Variants in TRAF5 observed in about 807,000 individuals in gnomAD.
TRAF5 encodes TNF receptor associated factor 5.
A neutral mutation model predicts 64.5 loss-of-function variants in TRAF5; 48 were observed. The observed-to-expected ratio is 0.74, with a 90% CI of 0.59 to 0.95. The LOEUF is 0.95. Among genes scored for constraint, TRAF5 ranks in the 40% least tolerant of loss-of-function variants. The pLI, the probability that TRAF5 is intolerant of heterozygous loss-of-function variation, is 0.00. For synonymous variants in TRAF5, 206 were observed against 240.5 expected (o/e 0.86, Z 1.33); for missense variants, 545 against 662.8 (o/e 0.82, Z 1.95).
At chr1:211,365,527 C>CATAGAGCAGGTAAA in intron 8 of TRAF5, 59 bp downstream of exon 8, 2 of 1,346,898 alleles carry the variant, frequency 1.5e-6, no homozygotes, top group Non-Finnish European at 2.1e-6. Context: ...GATTTACCTG[C>CATAGAGCAGGTAAA]TCTATGCTGG....
At chr1:211,339,108 T>C (rs1053705868) in intron 1 of TRAF5, among the ~76,000 whole-genome samples, 1 of 152,198 alleles carries the variant, frequency 6.6e-6, no homozygotes, top group Non-Finnish European at 1.5e-5. Context: ...TATATTCAAA[T>C]CCCTGTGCCC....
chr1:211,342,582 C>T (rs768980495), intron 1 of TRAF5, among the ~76,000 whole-genome samples: 6 of 152,156 alleles, frequency 3.9e-5, no homozygotes, highest in African/African-American at 4.8e-5. Flanking sequence ...GTATTCTATA[C>T]GATTATTCTG....
intron 1 of TRAF5, among the ~76,000 whole-genome samples, chr1:211,331,669 CT>C (rs752490519): frequency 0.039 from 5,620 of 144,812 alleles, 310 homozygotes; most frequent in African/African-American, 0.13. Context: ...AGCAGGCCAT[CT>C]TTTTTTTTTT....
At chr1:211,370,850 C>G (rs1703498323) in intron 9 of TRAF5, among the ~76,000 whole-genome samples, 1 of 152,144 alleles carries the variant, frequency 6.6e-6, no homozygotes, top group Non-Finnish European at 1.5e-5. Context: ...AGGCCGTACT[C>G]AGGGCCTTCT....
At chr1:211,336,742 C>T (rs976262170) in intron 1 of TRAF5, among the ~76,000 whole-genome samples, 3 of 152,220 alleles carry the variant, frequency 2.0e-5, no homozygotes, top group Non-Finnish European at 4.4e-5. Flanking sequence ...TCACTGTAAC[C>T]TCCACCTCCC....
intron 7 of TRAF5, among the ~76,000 whole-genome samples, chr1:211,364,411 G>T (rs1044658671): frequency 1.3e-5 from 2 of 152,200 alleles, no homozygotes; most frequent in African/African-American, 4.8e-5. Context: ...AAGAGGCCAG[G>T]CGCTGTGGCT....
chr1:211,329,394 T>A (rs1702101568), intron 1 of TRAF5, among the ~76,000 whole-genome samples: 1 of 152,160 alleles, frequency 6.6e-6, no homozygotes, highest in South Asian at 2.1e-4. Context: ...CTGTACAGCT[T>A]ACGAGAAGCC....
intron 1 of TRAF5, among the ~76,000 whole-genome samples, chr1:211,351,932 G>A (rs1047032367): frequency 6.6e-6 from 1 of 152,118 alleles, no homozygotes; most frequent in East Asian, 1.9e-4. Context: ...CTTCAATATT[G>A]TGTTGCTGTG....
Position 211,356,384 on chromosome 1 carries a change from T to C in TRAF5, c.294T>C (p.Cys98=), listed in dbSNP as rs2230778. The C allele has an allele frequency of 1.8e-4, 293 of 1,613,988 alleles. 3 individuals are homozygous for C. In the African/African-American group the frequency reaches 3.2e-3, roughly 18 times the overall value. The part of the protein sequence containing the change: ...IKSQEVFKDN[C]CKREVLNLYV... ...TCTTTTAGGTTTTTAAAGACAATTG[T>C]TGCAAAAGAGAAGTCCTCAACTTAT... The change falls in exon 4 of 11, where the codon TGT becomes TGC. Residue 98 remains cysteine, a synonymous_variant. Transcript: ENST00000261464.
chr1:211,352,008 A>G (rs1443227527), intron 1 of TRAF5, among the ~76,000 whole-genome samples: 2 of 152,058 alleles, frequency 1.3e-5, no homozygotes, highest in African/African-American at 4.8e-5. Flanking sequence ...CTTACCCAGT[A>G]CTTTGGGAGG....
rs377679266 is a variant in TRAF5, at chr1:211,339,122, C to T, written c.-2+12233C>T. Among the ~76,000 whole-genome samples the T allele has an allele frequency of 1.9e-4, 29 of 152,330 alleles. No individual in the cohort carries two copies. In the East Asian group the frequency reaches 5.2e-3, roughly 27 times the overall value. ...CTATATTCAAATCCCTGTGCCCACGCACTAGCTGTGTGATTTGGGGAAAGT... is the reference window on the plus strand; with the variant it reads ...CTATATTCAAATCCCTGTGCCCACGTACTAGCTGTGTGATTTGGGGAAAGT... On this transcript the variant is annotated intron_variant, in intron 1 of 10. Transcript: ENST00000261464.
At chr1:211,346,946 T>C (rs530595011) in intron 1 of TRAF5, among the ~76,000 whole-genome samples, 1 of 152,248 alleles carries the variant, frequency 6.6e-6, no homozygotes, top group Non-Finnish European at 1.5e-5. Flanking sequence ...ATAGATGGGA[T>C]GTGACTTTCT....
At chr1:211,343,198 A>C (rs1026736405) in intron 1 of TRAF5, among the ~76,000 whole-genome samples, 1 of 152,132 alleles carries the variant, frequency 6.6e-6, no homozygotes, top group Non-Finnish European at 1.5e-5. Context: ...ATAGCGACTA[A>C]GTAATTTGCC....
rs1484647952 is a variant in TRAF5, at chr1:211,372,146, C to CT, written c.1119dup (p.Asn374Ter). On this transcript the variant is annotated frameshift_variant, in exon 11 of 11. Transcript: ENST00000261464. LOFTEE classifies it high-confidence loss of function. ...TTTGCAGCCGTTTTAGAAGAGGAAA[C>CT]TAACAAACATGATACCCACATTAAT... 1 of 1,527,640 alleles carries CT rather than the reference C, an allele frequency of 6.5e-7. No homozygotes were observed. The highest frequency in any genetic ancestry group is 8.8e-7 in the Non-Finnish European group (1 of 1,133,724). The allele number at this position is 1,527,640 out of a possible 1,614,324, so 94.6% of individuals were successfully genotyped here.
intron 1 of TRAF5, among the ~76,000 whole-genome samples, chr1:211,347,818 TCTTA>T (rs748283836): frequency 3.7e-4 from 57 of 152,258 alleles, no homozygotes; most frequent in Admixed American, 2.0e-3. Context: ...CTTAATGGAC[TCTTA>T]CTTCAGGTGA....
At chr1:211,346,917 C>T (rs1572066288) in intron 1 of TRAF5, among the ~76,000 whole-genome samples, 1 of 152,178 alleles carries the variant, frequency 6.6e-6, no homozygotes, top group African/African-American at 2.4e-5. Flanking sequence ...CAAAGAAACT[C>T]AACAAGAGTT....
At chr1:211,329,440 G>C (rs1702103533) in intron 1 of TRAF5, among the ~76,000 whole-genome samples, 1 of 152,168 alleles carries the variant, frequency 6.6e-6, no homozygotes, top group South Asian at 2.1e-4. Context: ...ACCTCCTCAG[G>C]AGAAGGGAGA....
At chr1:211,349,870 A>G (rs1415774721) in intron 1 of TRAF5, among the ~76,000 whole-genome samples, 2 of 152,200 alleles carry the variant, frequency 1.3e-5, no homozygotes, top group Admixed American at 6.5e-5. Flanking sequence ...TGGCCTCAGA[A>G]GAGAATCTCA....
At chr1:211,349,117 A>G (rs1179215322) in intron 1 of TRAF5, among the ~76,000 whole-genome samples, 1 of 151,298 alleles carries the variant, frequency 6.6e-6, no homozygotes, top group East Asian at 1.9e-4. Context: ...TTTAGGTGGA[A>G]GGATCACTTG....
Sources: gnomAD v4.1 joint callset for allele counts (sites outside exome capture counted in the v4.1 genomes callset) on GRCh38, gnomAD v4.1.1 for gene constraint, MANE v1.5 for transcripts, NCBI Gene and HGNC (gene_info 2026-07-23, HGNC 2026-07-21) for gene names.